Variants in MARCHF1 observed in about 807,000 individuals in gnomAD.
MARCHF1 encodes E3 ubiquitin-protein ligase MARCHF1.
A neutral mutation model predicts 54.2 loss-of-function variants in MARCHF1; 40 were observed. The observed-to-expected ratio is 0.74, with a 90% CI of 0.57 to 0.96. MARCHF1 has a LOEUF of 0.96. MARCHF1 is among the 40% of genes least tolerant of loss of function. The probability of loss-of-function intolerance (pLI) is 0.00; values close to 1 mark genes in which losing one functional copy is unlikely to be tolerated. For synonymous variants in MARCHF1, 236 were observed against 236.3 expected (o/e 1.00, Z 0.01); for missense variants, 586 against 656.5 (o/e 0.89, Z 1.17).
chr4:164,367,323 T>C (rs1315884493), intron 1 of MARCHF1, among the ~76,000 whole-genome samples: 1 of 152,142 alleles, frequency 6.6e-6, no homozygotes, highest in Non-Finnish European at 1.5e-5. Flanking sequence ...TCAGGTTAAA[T>C]ATGTATTTAT....
intron 8 of MARCHF1, among the ~76,000 whole-genome samples, chr4:163,577,872 T>C (rs190104551): frequency 2.6e-5 from 4 of 151,916 alleles, no homozygotes; most frequent in Non-Finnish European, 5.9e-5. Context: ...GTTATTAATA[T>C]AGCTTTCAAT....
intron 4 of MARCHF1, among the ~76,000 whole-genome samples, chr4:163,814,232 A>G (rs900647024): frequency 2.0e-5 from 3 of 152,106 alleles, no homozygotes; most frequent in East Asian, 1.9e-4. Flanking sequence ...TTGATCACCA[A>G]TAAATAGTCT....
At chr4:163,610,383 A>C (rs2110921647) in intron 7 of MARCHF1, among the ~76,000 whole-genome samples, 1 of 152,186 alleles carries the variant, frequency 6.6e-6, no homozygotes, top group East Asian at 1.9e-4. Flanking sequence ...TGGCTCATCT[A>C]TCTCACTTTC....
chr4:164,288,822 A>C (rs1734214658), intron 1 of MARCHF1, among the ~76,000 whole-genome samples: 1 of 151,972 alleles, frequency 6.6e-6, no homozygotes, highest in Non-Finnish European at 1.5e-5. Flanking sequence ...GAGTTTTCCG[A>C]CTTTAATCTC....
chr4:163,670,387 TG>T (rs1743693559), intron 5 of MARCHF1, among the ~76,000 whole-genome samples: 1 of 120,232 alleles, frequency 8.3e-6, no homozygotes, highest in South Asian at 2.6e-4. Flanking sequence ...TCTATCTGTC[TG>T]TCTATCTATC....
chr4:163,792,645 T>G (rs1265871620), intron 4 of MARCHF1, among the ~76,000 whole-genome samples: 2 of 152,314 alleles, frequency 1.3e-5, no homozygotes, highest in Non-Finnish European at 2.9e-5. Context: ...AATAACTATT[T>G]TAACTGAAGA....
Position 164,063,635 on chromosome 4 carries a change from A to G in MARCHF1, c.-248+47953T>C, listed in dbSNP as rs535189940. On this transcript the variant is annotated intron_variant, in intron 2 of 9. Transcript: ENST00000514618. ...CCCCTATGAAGTGGGCCTAGCCCCT[A>G]TTTCTCTCAACTTCAACAAAAGTAA... Among the ~76,000 whole-genome samples the G allele has an allele frequency of 1.1e-4, 16 of 152,328 alleles. No individual in the cohort carries two copies. In the South Asian group the frequency reaches 2.3e-3, roughly 22 times the overall value.
chr4:164,310,290 A>T (rs1350793005), intron 1 of MARCHF1, among the ~76,000 whole-genome samples: 1 of 151,884 alleles, frequency 6.6e-6, no homozygotes, highest in Non-Finnish European at 1.5e-5. Flanking sequence ...GTTGGCCAGG[A>T]TGGTCTTGAT....
chr4:163,552,977 G>A (rs868660241), intron 8 of MARCHF1, among the ~76,000 whole-genome samples: 1 of 150,360 alleles, frequency 6.7e-6, no homozygotes, highest in Non-Finnish European at 1.5e-5. Flanking sequence ...AGCTTGCAGT[G>A]AGCCGAGATC....
At chr4:164,008,297 T>C (rs150386711) in intron 2 of MARCHF1, among the ~76,000 whole-genome samples, 2 of 152,112 alleles carry the variant, frequency 1.3e-5, no homozygotes, top group South Asian at 4.1e-4. Context: ...GTCATAAATA[T>C]GTGTGCACTC....
chr4:163,698,870 T>C (rs760793926), intron 5 of MARCHF1, among the ~76,000 whole-genome samples: 5 of 152,116 alleles, frequency 3.3e-5, no homozygotes, highest in Non-Finnish European at 5.9e-5. Flanking sequence ...GATGACAGAG[T>C]TCTTTGGTTT....
chr4:164,100,961 G>A (rs901620059), intron 2 of MARCHF1, among the ~76,000 whole-genome samples: 4 of 152,222 alleles, frequency 2.6e-5, no homozygotes, highest in African/African-American at 9.6e-5. Context: ...AAGCGCAAGA[G>A]GTCAGGGATT....
intron 2 of MARCHF1, among the ~76,000 whole-genome samples, chr4:164,106,615 G>T (rs191291234): frequency 0.058 from 8,452 of 146,964 alleles, 380 homozygotes; most frequent in East Asian, 0.19. Flanking sequence ...GGGGACTGTT[G>T]TGGGGTAGGG....
chr4:164,054,458 A>C (rs373039812), intron 2 of MARCHF1, among the ~76,000 whole-genome samples: 5,110 of 152,074 alleles, frequency 0.034, 172 homozygotes, highest in African/African-American at 0.087. Flanking sequence ...TCATGCTGCT[A>C]TAAAGACACA....
chr4:163,716,004 A>G (rs1745244379), intron 4 of MARCHF1, among the ~76,000 whole-genome samples: 1 of 152,240 alleles, frequency 6.6e-6, no homozygotes, highest in Non-Finnish European at 1.5e-5. Flanking sequence ...TAATGCAAGA[A>G]GATGGATATG....
chr4:163,724,829 G>T (rs1180097396), intron 4 of MARCHF1, among the ~76,000 whole-genome samples: 1 of 152,124 alleles, frequency 6.6e-6, no homozygotes, highest in Non-Finnish European at 1.5e-5. Context: ...ATAATCTCCT[G>T]GTGTGCCGTT....
At chr4:163,802,206 C>A (rs1252760100) in intron 4 of MARCHF1, among the ~76,000 whole-genome samples, 1 of 152,044 alleles carries the variant, frequency 6.6e-6, no homozygotes, top group African/African-American at 2.4e-5. Context: ...GTAGTAGAAA[C>A]GCACCCTCAA....
At chr4:164,262,888 G>A (rs927013726) in intron 1 of MARCHF1, among the ~76,000 whole-genome samples, 2 of 152,170 alleles carry the variant, frequency 1.3e-5, no homozygotes, top group Non-Finnish European at 2.9e-5. Flanking sequence ...GAATAAATTA[G>A]TAAATATTAT....
chr4:163,596,193 T>C (rs914808270), intron 7 of MARCHF1, among the ~76,000 whole-genome samples: 12 of 152,028 alleles, frequency 7.9e-5, no homozygotes, highest in Admixed American at 7.9e-4. Context: ...GAGCAAAGGA[T>C]GGACCAAGCT....
Sources: gnomAD v4.1 joint callset for allele counts (sites outside exome capture counted in the v4.1 genomes callset) on GRCh38, gnomAD v4.1.1 for gene constraint, MANE v1.5 for transcripts, NCBI Gene and HGNC (gene_info 2026-07-23, HGNC 2026-07-21) for gene names.